DLGAP2: variants seen among roughly 807,000 people sequenced by gnomAD.
DLGAP2 encodes DLG associated protein 2.
In DLGAP2, 26 loss-of-function variants were observed where a neutral mutation model predicts 100.3. That is an observed-to-expected ratio of 0.26 (90% CI 0.19 to 0.36). DLGAP2 has a LOEUF of 0.36. Among genes scored for constraint, DLGAP2 ranks in the 10% least tolerant of loss-of-function variants. The pLI is 1.00. For missense variants in DLGAP2, 1,858 were observed against 1,453.2 expected (o/e 1.28, Z -4.53); for synonymous variants, 886 against 630.1 (o/e 1.41, Z -6.08).
chr8:1,498,706 G>A (rs935428992), intron 3 of DLGAP2, among the ~76,000 whole-genome samples: 3 of 152,184 alleles, frequency 2.0e-5, no homozygotes, highest in East Asian at 1.9e-4. Flanking sequence ...TTAATAAAAC[G>A]TATGTGAATG....
chr8:1,605,650 C>T (rs1796772928), intron 6 of DLGAP2, among the ~76,000 whole-genome samples: 1 of 152,132 alleles, frequency 6.6e-6, no homozygotes, highest in Non-Finnish European at 1.5e-5. Context: ...ATCTGTGATC[C>T]CGCTGATGTT....
At chr8:1,458,694 G>A (rs187176349) in intron 3 of DLGAP2, among the ~76,000 whole-genome samples, 2 of 152,232 alleles carry the variant, frequency 1.3e-5, no homozygotes. Flanking sequence ...GCTCAGAGCA[G>A]CCTTCCCTGG....
intron 2 of DLGAP2, among the ~76,000 whole-genome samples, chr8:949,066 G>A (rs1194080636): frequency 6.6e-6 from 1 of 152,248 alleles, no homozygotes; most frequent in Non-Finnish European, 1.5e-5. Flanking sequence ...GCCCGTGGGC[G>A]TGACTGCCGC....
At chr8:1,147,092 T>G (rs960222373) in intron 2 of DLGAP2, among the ~76,000 whole-genome samples, 1 of 152,232 alleles carries the variant, frequency 6.6e-6, no homozygotes, top group African/African-American at 2.4e-5. Flanking sequence ...TTTGGCATCC[T>G]TATATTGAGT....
intron 2 of DLGAP2, among the ~76,000 whole-genome samples, chr8:1,101,051 C>T (rs1253071457): frequency 2.0e-5 from 3 of 152,164 alleles, no homozygotes; most frequent in South Asian, 2.1e-4. Context: ...GGGTTCCTGG[C>T]GTTCACAAGC....
intron 3 of DLGAP2, among the ~76,000 whole-genome samples, chr8:1,349,761 T>A (rs1801664284): frequency 6.6e-6 from 1 of 152,238 alleles, no homozygotes; most frequent in Non-Finnish European, 1.5e-5. Context: ...GGATGGTGTC[T>A]TTCCCCATTA....
intron 2 of DLGAP2, among the ~76,000 whole-genome samples, chr8:1,171,622 C>T (rs1260424454): frequency 1.3e-5 from 2 of 152,166 alleles, no homozygotes; most frequent in Non-Finnish European, 2.9e-5. Context: ...GAATTGATCC[C>T]TTTACCATTA....
At chr8:1,319,508 A>G (rs4875885) in intron 3 of DLGAP2, among the ~76,000 whole-genome samples, 265 of 152,310 alleles carry the variant, frequency 1.7e-3, no homozygotes, top group Middle Eastern at 0.017. Context: ...ACGTGGAGCC[A>G]ACAGAGTGTT....
At chr8:1,419,441 CGTGTGTGTGTGTGTGTGT>C (rs71190735) in intron 3 of DLGAP2, among the ~76,000 whole-genome samples, 1 of 52,994 alleles carries the variant, frequency 1.9e-5, no homozygotes, top group South Asian at 8.9e-4. Flanking sequence ...CACTCTGATA[CGTGTGTGTGTGTGTGTGT>C]GTGTGTGTGT....
intron 2 of DLGAP2, among the ~76,000 whole-genome samples, chr8:1,176,895 C>G (rs1013929804): frequency 2.6e-5 from 4 of 152,164 alleles, no homozygotes; most frequent in African/African-American, 7.2e-5. Context: ...ATGTCACCAA[C>G]TCAGACAGGA....
intron 3 of DLGAP2, among the ~76,000 whole-genome samples, chr8:1,464,017 A>G (rs994002864): frequency 1.3e-5 from 2 of 152,242 alleles, no homozygotes; most frequent in African/African-American, 2.4e-5. Flanking sequence ...AGACCAAAGT[A>G]TCATGGGAAA....
At chr8:1,374,309 G>C (rs1328647059) in intron 3 of DLGAP2, among the ~76,000 whole-genome samples, 2 of 151,748 alleles carry the variant, frequency 1.3e-5, no homozygotes, top group South Asian at 2.1e-4. Context: ...CCTTCTCCCT[G>C]CCCCACGGTG....
At chr8:1,232,622 A>G (rs1295068283) in intron 2 of DLGAP2, among the ~76,000 whole-genome samples, 1 of 152,222 alleles carries the variant, frequency 6.6e-6, no homozygotes, top group African/African-American at 2.4e-5. Flanking sequence ...TGAGTGTGGA[A>G]TCCACAAGAT....
chr8:1,110,580 G>A (rs1026218097), intron 2 of DLGAP2, among the ~76,000 whole-genome samples: 3 of 152,094 alleles, frequency 2.0e-5, no homozygotes, highest in Non-Finnish European at 4.4e-5. Context: ...AAGTGTGCAT[G>A]GGTCTTCAGT....
chr8:1,668,003 G>T (rs940144502), intron 8 of DLGAP2, among the ~76,000 whole-genome samples: 5 of 152,104 alleles, frequency 3.3e-5, no homozygotes, highest in African/African-American at 1.2e-4. Context: ...GTCCTGAGGG[G>T]ACGCACGTTG....
chr8:1,506,021 T>C (rs531457299), intron 4 of DLGAP2, among the ~76,000 whole-genome samples: 1 of 152,356 alleles, frequency 6.6e-6, no homozygotes, highest in Non-Finnish European at 1.5e-5. Context: ...GTACACACTG[T>C]GTAATTTTGA....
intron 2 of DLGAP2, among the ~76,000 whole-genome samples, chr8:1,125,559 C>A (rs1171522655): frequency 6.6e-6 from 1 of 152,096 alleles, no homozygotes; most frequent in African/African-American, 2.4e-5. Context: ...AAAATAGGGG[C>A]TATTTCTTCT....
chr8:1,238,460 GTTCTCTCACATGGCACCATGTCTGC>G (rs1343201261), intron 2 of DLGAP2, among the ~76,000 whole-genome samples: 1 of 125,806 alleles, frequency 7.9e-6, no homozygotes, highest in Admixed American at 7.8e-5. Context: ...GCCGTGTCTA[GTTCTCTCACATGGCACCATGTCTGC>G]TTCTCTCACA....
chr8:1,519,820 G>A (rs764922583), intron 4 of DLGAP2, among the ~76,000 whole-genome samples: 27 of 152,270 alleles, frequency 1.8e-4, no homozygotes, highest in Admixed American at 6.5e-5. Flanking sequence ...TGCTCAGCAG[G>A]TGATGGCCCC....
Sources: gnomAD v4.1 joint callset for allele counts (sites outside exome capture counted in the v4.1 genomes callset) on GRCh38, gnomAD v4.1.1 for gene constraint, MANE v1.5 for transcripts, NCBI Gene and HGNC (gene_info 2026-07-23, HGNC 2026-07-21) for gene names.